The following SOX6 variants were observed in gnomAD, a reference collection of about 807,000 sequenced individuals.
SOX6 encodes the protein transcription factor SOX-6.
A neutral mutation model predicts 97.8 loss-of-function variants in SOX6; 11 were observed. The observed-to-expected ratio is 0.11, with a 90% CI of 0.07 to 0.19. The LOEUF is 0.19. Ranked by LOEUF, SOX6 falls within the 10% of genes least tolerant of loss-of-function variation. The pLI is 1.00. For missense variants in SOX6, 810 were observed against 1,039.5 expected (o/e 0.78, Z 3.04); for synonymous variants, 360 against 371.4 (o/e 0.97, Z 0.35).
At chr11:16,243,611 C>A (rs1334429811) in intron 3 of SOX6, among the ~76,000 whole-genome samples, 1 of 151,618 alleles carries the variant, frequency 6.6e-6, no homozygotes, top group Non-Finnish European at 1.5e-5. Context: ...TAGCTCCACC[C>A]TCCCGAAAGA....
intron 6 of SOX6, among the ~76,000 whole-genome samples, chr11:16,128,370 T>G (rs1040982695): frequency 6.6e-6 from 1 of 152,228 alleles, no homozygotes; most frequent in Non-Finnish European, 1.5e-5. Context: ...ATAATATTCA[T>G]GTATTTAGCT....
intron 4 of SOX6, among the ~76,000 whole-genome samples, chr11:16,522,689 T>A (rs1020775225): frequency 2.0e-5 from 3 of 152,150 alleles, no homozygotes; most frequent in Non-Finnish European, 4.4e-5. Flanking sequence ...GACTGGCAAG[T>A]TGGATAAAGA....
At chr11:16,471,093 T>C (rs1860133982) in intron 1 of SOX6, among the ~76,000 whole-genome samples, 1 of 150,812 alleles carries the variant, frequency 6.6e-6, no homozygotes, top group African/African-American at 2.4e-5. Context: ...TTTTTTTTGT[T>C]TTTTTTTTAA....
chr11:16,037,580 G>A (rs1161532794), intron 12 of SOX6, among the ~76,000 whole-genome samples: 2 of 152,148 alleles, frequency 1.3e-5, no homozygotes, highest in African/African-American at 4.8e-5. Flanking sequence ...ATAGCTTTTT[G>A]ATATAACCTG....
chr11:16,124,043 T>C (rs1849554660), intron 6 of SOX6, among the ~76,000 whole-genome samples: 1 of 152,112 alleles, frequency 6.6e-6, no homozygotes, highest in African/African-American at 2.4e-5. Flanking sequence ...TTCTTTGCCT[T>C]CCCAAACCTG....
intron 3 of SOX6, among the ~76,000 whole-genome samples, chr11:16,306,419 A>G (rs1015972112): frequency 1.3e-5 from 2 of 152,148 alleles, no homozygotes; most frequent in Non-Finnish European, 2.9e-5. Context: ...GCCAGTCAGT[A>G]GAAGATTAGG....
chr11:16,336,428 C>G (rs1251857660), intron 2 of SOX6, among the ~76,000 whole-genome samples: 1 of 152,098 alleles, frequency 6.6e-6, no homozygotes, highest in Non-Finnish European at 1.5e-5. Flanking sequence ...TTGTCTCCAC[C>G]CTTTGTGTAA....
intron 4 of SOX6, among the ~76,000 whole-genome samples, chr11:16,497,211 T>G (rs1211560265): frequency 2.0e-5 from 3 of 152,192 alleles, no homozygotes; most frequent in African/African-American, 7.2e-5. Context: ...AAACAGGGAC[T>G]AGAGTGGACC....
chr11:16,208,333 T>C (rs1404879206), intron 4 of SOX6, among the ~76,000 whole-genome samples: 1 of 152,210 alleles, frequency 6.6e-6, no homozygotes, highest in African/African-American at 2.4e-5. Context: ...CTAAATTGTA[T>C]GCATAAAACT....
chr11:16,441,695 A>G (rs1286514554), intron 1 of SOX6, among the ~76,000 whole-genome samples: 1 of 152,230 alleles, frequency 6.6e-6, no homozygotes, highest in Non-Finnish European at 1.5e-5. Flanking sequence ...TGACTAAAAC[A>G]AAAACAATAA....
In SOX6 at chr11:16,145,422, T is replaced by C. The variant is rs1477237948; in HGVS notation, c.778-33499A>G. On this transcript the variant is annotated intron_variant, in intron 6 of 15. Transcript: ENST00000683767. ...CTGAATGGGCAAAAACTGGAAGCAT[T>C]CCCTTTGAAAACTGGCACAAGACAG... 2.0e-4 allele frequency among the ~76,000 whole-genome samples: 30 copies of C among 152,252 alleles called. No homozygotes were observed. In the East Asian group the frequency reaches 4.8e-3, roughly 24 times the overall value.
chr11:16,133,293 T>C (rs1185766875), intron 6 of SOX6, among the ~76,000 whole-genome samples: 2 of 152,206 alleles, frequency 1.3e-5, no homozygotes, highest in Non-Finnish European at 2.9e-5. Flanking sequence ...CATTATGCCC[T>C]GAAGGAAAGG....
chr11:16,206,026 T>A (rs527250953), intron 4 of SOX6, among the ~76,000 whole-genome samples: 2 of 152,168 alleles, frequency 1.3e-5, no homozygotes, highest in South Asian at 4.1e-4. Context: ...GTAAAGATCA[T>A]TAATATTTTG....
chr11:16,263,788 A>G (rs966053786), intron 3 of SOX6, among the ~76,000 whole-genome samples: 24 of 151,938 alleles, frequency 1.6e-4, no homozygotes, highest in African/African-American at 5.8e-4. Context: ...AATTGCAAAA[A>G]TAGTACAGAG....
At chr11:16,487,455 A>G (rs950462651) in intron 4 of SOX6, among the ~76,000 whole-genome samples, 1 of 152,212 alleles carries the variant, frequency 6.6e-6, no homozygotes, top group African/African-American at 2.4e-5. Context: ...TGCCATAGTT[A>G]GAAGAGTCTT....
At chr11:16,265,916 TAA>T (rs34752397) in intron 3 of SOX6, among the ~76,000 whole-genome samples, 18 of 151,478 alleles carry the variant, frequency 1.2e-4, no homozygotes, top group African/African-American at 3.9e-4. Flanking sequence ...ACAGAAAATG[TAA>T]AAAAAAATGA....
rs1167290957 is a variant in SOX6, at chr11:15,969,071, C to CTTTT, written c.*3737_*3738insAAAA. ...CTCCTTTTCCTTCCATTCCATATGG[C>CTTTT]TATTTTTTTTTTTTTTTTTTTTTGG... On this transcript the variant is annotated 3_prime_UTR_variant, in exon 16 of 16. Coordinates refer to ENST00000683767, the MANE Select transcript of SOX6 (RefSeq NM_001367873.1). 2.2e-5 allele frequency: 3 copies of CTTTT among 137,862 alleles called. No individual in the cohort carries two copies. Among genetic ancestry groups the CTTTT allele is most frequent in the African/African-American group, 8.5e-5 (3 of 35,196 alleles). 8.5% of individuals were successfully genotyped at this position (137,862 alleles called of 1,614,324 possible).
intron 2 of SOX6, among the ~76,000 whole-genome samples, chr11:16,338,461 T>C (rs1325193496): frequency 6.6e-6 from 1 of 152,042 alleles, no homozygotes; most frequent in Non-Finnish European, 1.5e-5. Flanking sequence ...ACTTACAGTA[T>C]AAGTCATTAC....
intron 3 of SOX6, among the ~76,000 whole-genome samples, chr11:16,633,157 G>C (rs979889453): frequency 1.3e-5 from 2 of 152,112 alleles, no homozygotes; most frequent in Non-Finnish European, 2.9e-5. Flanking sequence ...GAGTTGAGAG[G>C]GCCCTGCCAC....
Sources: gnomAD v4.1 joint callset for allele counts (sites outside exome capture counted in the v4.1 genomes callset) on GRCh38, gnomAD v4.1.1 for gene constraint, MANE v1.5 for transcripts, NCBI Gene and HGNC (gene_info 2026-07-23, HGNC 2026-07-21) for gene names.